Variants in NPHP4 observed in about 807,000 individuals in gnomAD.
NPHP4 encodes the protein nephrocystin 4.
A neutral mutation model predicts 155.8 loss-of-function variants in NPHP4; 151 were observed. The ratio of observed to expected loss-of-function variants is 0.97; its 90% CI spans 0.85 to 1.11. The LOEUF is 1.11. NPHP4 is among the 50% of genes least tolerant of loss of function. NPHP4 has a pLI of 0.00. For synonymous variants in NPHP4, 845 were observed against 816.8 expected, an observed-to-expected ratio of 1.03 and a Z score of -0.59; for missense variants, 1,956 against 1,925.7, an observed-to-expected ratio of 1.02 and a Z score of -0.29.
intron 16 of NPHP4, among the ~76,000 whole-genome samples, chr1:5,898,307 C>G (rs555838013): frequency 6.6e-6 from 1 of 152,212 alleles, no homozygotes; most frequent in Non-Finnish European, 1.5e-5. Context: ...AACCAACACA[C>G]GCAGGGGAGA....
At chr1:5,909,668 C>A (rs1279979197) in intron 11 of NPHP4, among the ~76,000 whole-genome samples, 3 of 152,130 alleles carry the variant, frequency 2.0e-5, no homozygotes, top group Non-Finnish European at 4.4e-5. Flanking sequence ...CTCACGAACA[C>A]CCACTAAGCA....
intron 11 of NPHP4, among the ~76,000 whole-genome samples, chr1:5,912,537 C>G (rs1362795260): frequency 1.3e-5 from 1 of 77,902 alleles, no homozygotes; most frequent in Admixed American, 1.5e-4. Context: ...GACTCCGTCT[C>G]AAAAAAAAAA....
In NPHP4 at chr1:5,889,070, G is replaced by A. The variant is rs918571590; in HGVS notation, c.2305-1604C>T. Among the ~76,000 whole-genome samples the A allele has an allele frequency of 1.3e-5, 2 of 152,170 alleles. No individual in the cohort carries two copies. The highest frequency in any genetic ancestry group is 4.8e-5 in the African/African-American group (2 of 41,424). ...AGGGGTCACACTGAAGGCAGCACAGGAGCCGTCCGTCCCTAGAGGAAACTC... is the reference window on the plus strand; with the variant it reads ...AGGGGTCACACTGAAGGCAGCACAGAAGCCGTCCGTCCCTAGAGGAAACTC... On this transcript the variant is annotated intron_variant, in intron 17 of 29. Transcript: ENST00000378156. The surrounding 1 kb of genome is among the most constrained non-coding windows in gnomAD (Gnocchi z 4.2).
chr1:5,866,288 C>T, intron 26 of NPHP4, 85 bp downstream of exon 26: 1 of 898,022 alleles, frequency 1.1e-6, no homozygotes, highest in Non-Finnish European at 1.8e-6. Context: ...GGGGCCAAGC[C>T]CACTTTCAAT....
chr1:5,907,922 T>C (rs529400188), intron 12 of NPHP4, among the ~76,000 whole-genome samples: 2 of 152,076 alleles, frequency 1.3e-5, no homozygotes, highest in Non-Finnish European at 2.9e-5. Context: ...TGGAAATGAG[T>C]GCGGCTTAAA....
At chr1:5,917,588 T>C (rs1335854612) in intron 11 of NPHP4, among the ~76,000 whole-genome samples, 1 of 152,210 alleles carries the variant, frequency 6.6e-6, no homozygotes, top group Non-Finnish European at 1.5e-5. Context: ...ATCCCTTGTA[T>C]ACAAAAGGGT....
chr1:5,968,576 G>A (rs1651953640), intron 4 of NPHP4, among the ~76,000 whole-genome samples: 1 of 151,878 alleles, frequency 6.6e-6, no homozygotes, highest in Non-Finnish European at 1.5e-5. Flanking sequence ...ACTACAGCCT[G>A]GGTGACAGAG....
chr1:5,983,994 G>A (rs1419378149), intron 2 of NPHP4, among the ~76,000 whole-genome samples: 1 of 152,030 alleles, frequency 6.6e-6, no homozygotes, highest in Non-Finnish European at 1.5e-5. Context: ...TTTGGATCAG[G>A]AATTCCACTT....
chr1:5,959,591 AAGTGAT>A (rs1447672028), intron 6 of NPHP4, among the ~76,000 whole-genome samples: 1 of 152,166 alleles, frequency 6.6e-6, no homozygotes, highest in African/African-American at 2.4e-5. Context: ...GCAAGTCACA[AAGTGAT>A]GACTACCCCT....
At chr1:5,931,231 T>G (rs903444062) in intron 10 of NPHP4, among the ~76,000 whole-genome samples, 1 of 152,146 alleles carries the variant, frequency 6.6e-6, no homozygotes, top group African/African-American at 2.4e-5. Context: ...TAAACTGGTG[T>G]GTTTACACTA....
At chr1:5,920,596 GC>G (rs1396741547) in intron 11 of NPHP4, among the ~76,000 whole-genome samples, 7 of 152,302 alleles carry the variant, frequency 4.6e-5, no homozygotes, top group African/African-American at 1.4e-4. Context: ...ACGCCAGGCA[GC>G]CCCGAGCACC....
intron 12 of NPHP4, among the ~76,000 whole-genome samples, chr1:5,908,284 T>TTGGGCCAGCAGGGAAGCA (rs1645012038): frequency 1.3e-5 from 2 of 152,196 alleles, no homozygotes; most frequent in South Asian, 4.1e-4. Flanking sequence ...CAGGGAAGCC[T>TTGGGCCAGCAGGGAAGCA]GGGAGGCCGT....
intron 16 of NPHP4, among the ~76,000 whole-genome samples, chr1:5,897,808 A>T (rs1187828212): frequency 1.3e-5 from 2 of 152,344 alleles, no homozygotes; most frequent in African/African-American, 4.8e-5. Context: ...CTAGAATTGC[A>T]CATATATAAA....
chr1:5,891,031 G>A lies in NPHP4; in HGVS notation c.2144-3C>T. On this transcript the variant is annotated splice_polypyrimidine_tract_variant and splice_region_variant and intron_variant, in intron 16 of 29. Coordinates refer to ENST00000378156, the MANE Select transcript of NPHP4 (RefSeq NM_015102.5). The stretch of plus-strand genomic sequence containing the variant: ...CCTCAGCTGGAAGCCAGGAGACCCT[G>A]TCAAAGAGGCACCAAAGGAGGCCAA... 2 of 1,525,620 alleles carry A rather than the reference G, an allele frequency of 1.3e-6. No homozygotes were observed. The highest frequency in any genetic ancestry group is 1.3e-5 in the South Asian group (1 of 79,636). 94.5% of individuals were successfully genotyped at this position (1,525,620 alleles called of 1,614,324 possible).
chr1:5,892,615 C>T lies in NPHP4; in HGVS notation c.2144-1587G>A, dbSNP rs1481901537. 1.3e-5 allele frequency among the ~76,000 whole-genome samples: 2 copies of T among 152,008 alleles called. No homozygotes were observed. Among genetic ancestry groups the T allele is most frequent in the Non-Finnish European group, 2.9e-5 (2 of 67,976 alleles). On this transcript the variant is annotated intron_variant, in intron 16 of 29. Coordinates refer to ENST00000378156, the MANE Select transcript of NPHP4 (RefSeq NM_015102.5). The surrounding 1 kb of genome is among the most constrained non-coding windows in gnomAD (Gnocchi z 4.5). The stretch of plus-strand genomic sequence containing the variant: ...GTCCAGCGGGGCACTGGAAGGAGCT[C>T]CCCAGGAGACAAGACAGAGGGTCCC...
At chr1:5,936,266 A>G (rs1369117875) in intron 9 of NPHP4, among the ~76,000 whole-genome samples, 1 of 152,240 alleles carries the variant, frequency 6.6e-6, no homozygotes, top group Non-Finnish European at 1.5e-5. Flanking sequence ...AGACCTCAAC[A>G]GGCGAATGGG....
chr1:5,867,262 T>G lies in NPHP4; in HGVS notation c.3473-147A>C. On this transcript the variant is annotated intron_variant, in intron 24 of 29. Coordinates refer to ENST00000378156, the MANE Select transcript of NPHP4 (RefSeq NM_015102.5). The surrounding 1 kb of genome is among the most constrained non-coding windows in gnomAD (Gnocchi z 4.1). ...GCTGGGGAAACGGACGCCGCCACCT[T>G]TCCCAGGACAGCATCCAAGCACTGT... 1 of 626,916 alleles carries G rather than the reference T, an allele frequency of 1.6e-6. No homozygotes were observed. Among genetic ancestry groups the G allele is most frequent in the Non-Finnish European group, 2.8e-6 (1 of 352,410 alleles). 38.8% of individuals were successfully genotyped at this position (626,916 alleles called of 1,614,324 possible).
chr1:5,895,379 A>G (rs1644344742), intron 16 of NPHP4, among the ~76,000 whole-genome samples: 1 of 152,140 alleles, frequency 6.6e-6, no homozygotes, highest in African/African-American at 2.4e-5. Context: ...AGGTGCCTGT[A>G]GTCCCAGCTA....
Position 5,898,460 on chromosome 1 carries a change from G to A in NPHP4, c.2143+6157C>T, listed in dbSNP as rs149934118. 4.5e-4 allele frequency among the ~76,000 whole-genome samples: 69 copies of A among 152,326 alleles called. No individual in the cohort carries two copies. In the East Asian group the frequency reaches 0.011, roughly 24 times the overall value. On this transcript the variant is annotated intron_variant, in intron 16 of 29. Coordinates refer to ENST00000378156, the MANE Select transcript of NPHP4 (RefSeq NM_015102.5). ...CCTTGGCTCCTCCAGGCTCACGGGC[G>A]TGGCTGCCGGAAGCTTCAGTTCAGT... is the stretch of plus-strand genomic sequence containing the variant.
Sources: allele counts gnomAD v4.1 joint callset (sites outside exome capture counted in the v4.1 genomes callset), GRCh38; gene constraint gnomAD v4.1.1; non-coding constraint Gnocchi (gnomAD v3.1); transcripts MANE v1.5; gene names NCBI Gene and HGNC (gene_info 2026-07-23, HGNC 2026-07-21).